AQP9: variants seen among roughly 807,000 people sequenced by gnomAD.
AQP9 encodes the protein aquaporin 9.
In AQP9, 19 loss-of-function variants were observed where a neutral mutation model predicts 23.8. The observed-to-expected ratio is 0.80, with a 90% CI of 0.56 to 1.17. AQP9 has a LOEUF of 1.17. Ranked by LOEUF, AQP9 falls within the 50% of genes most tolerant of loss-of-function variation. The probability of loss-of-function intolerance (pLI) is 0.00; values close to 1 mark genes in which losing one functional copy is unlikely to be tolerated. For missense variants in AQP9, 413 were observed against 362.0 expected, an observed-to-expected ratio of 1.14 and a Z score of -1.14; for synonymous variants, 153 against 131.5, an observed-to-expected ratio of 1.16 and a Z score of -1.12.
intron 4 of AQP9, among the ~76,000 whole-genome samples, chr15:58,178,317 A>G (rs1451667789): frequency 6.6e-6 from 1 of 152,156 alleles, no homozygotes; most frequent in Non-Finnish European, 1.5e-5. Flanking sequence ...CATAGCTTTT[A>G]TGTTTATAGT....
At chr15:58,182,549 C>G (rs140581206) in intron 5 of AQP9, among the ~76,000 whole-genome samples, 1 of 152,302 alleles carries the variant, frequency 6.6e-6, no homozygotes, top group African/African-American at 2.4e-5. Context: ...ATGGACCCAA[C>G]AGGTAGCTTA....
At chr15:58,159,551 T>C (rs925458230) in intron 1 of AQP9, among the ~76,000 whole-genome samples, 1 of 152,198 alleles carries the variant, frequency 6.6e-6, no homozygotes, top group Non-Finnish European at 1.5e-5. Context: ...CTTTGAAATA[T>C]ACAATACATT....
chr15:58,183,981 G>A lies in AQP9; in HGVS notation c.734G>A (p.Trp245Ter). The A allele has an allele frequency of 6.2e-7, 1 of 1,613,970 alleles. No homozygotes were observed. The highest frequency in any genetic ancestry group is 8.5e-7 in the Non-Finnish European group (1 of 1,179,952). The change falls in exon 6 of 6, where the codon TGG becomes TAG. Residue 245 changes from tryptophan to a stop codon, truncating the protein, a stop_gained. Coordinates refer to ENST00000219919, the MANE Select transcript of AQP9 (RefSeq NM_020980.5). LOFTEE classifies it low-confidence loss of function (END_TRUNC). ...TTCAGAGCTGGAAACAACTTCTGGTGGATTCCTGTAGTGGGCCCTTTGGTT... is the reference window on the plus strand; with the variant it reads ...TTCAGAGCTGGAAACAACTTCTGGTAGATTCCTGTAGTGGGCCCTTTGGTT... Reference protein sequence around the residue: ...EVFRAGNNFWWIPVVGPLVGA... With the variant: ...EVFRAGNNFW
chr15:58,157,738 G>T (rs993111914), intron 1 of AQP9, among the ~76,000 whole-genome samples: 2 of 152,196 alleles, frequency 1.3e-5, no homozygotes, highest in Non-Finnish European at 2.9e-5. Context: ...GTTTTCTACC[G>T]GTGGGTGCTT....
rs749429402 is a variant in AQP9, at chr15:58,184,058, C to G, written c.811C>G (p.Pro271Ala). ...TGTTCTTGTCATTGAAATCCACCATCCAGAGCCTGACTCAGTCTTTAAGAC... is the reference window on the plus strand; with the variant it reads ...TGTTCTTGTCATTGAAATCCACCATGCAGAGCCTGACTCAGTCTTTAAGAC... ...IYVLVIEIHH[P>A]EPDSVFKTEQ... The change falls in exon 6 of 6, where the codon CCA (proline) becomes GCA (alanine). Residue 271 changes from proline to alanine, a missense_variant. Pro to Ala is a conservative substitution (Grantham distance 27). Coordinates refer to ENST00000219919, the MANE Select transcript of AQP9 (RefSeq NM_020980.5). 1.9e-6 allele frequency: 3 copies of G among 1,614,118 alleles called. No homozygotes were observed. In the Admixed American group the frequency reaches 5.0e-5, roughly 27 times the overall value.
chr15:58,177,153 T>G (rs1035162253), intron 4 of AQP9, among the ~76,000 whole-genome samples: 1 of 152,176 alleles, frequency 6.6e-6, no homozygotes. Context: ...CATGACCATA[T>G]TTTGGGGTCA....
chr15:58,147,789 TAGA>T (rs1319410765), intron 1 of AQP9, among the ~76,000 whole-genome samples: 2 of 152,108 alleles, frequency 1.3e-5, no homozygotes, highest in Non-Finnish European at 2.9e-5. Context: ...ACCCATTAAA[TAGA>T]AGGTTTACAT....
At position 58,152,015 on chromosome 15, in the gene AQP9, T is replaced by C. The variant is rs547606053; in HGVS notation, c.111+13339T>C. 5.3e-5 allele frequency: 8 copies of C among 152,320 alleles called. No homozygotes were observed. The East Asian group carries it at 9.6e-4, about 18-fold the overall frequency. 9.4% of individuals were successfully genotyped at this position (152,320 alleles called of 1,614,324 possible). A position where few individuals can be genotyped will look rare whatever the true frequency, so the allele number is the denominator to read the frequency against. ...ATTGCATATTCCTCCATAAGCCATA[T>C]AGCACTTGTTATTATGGCTATTCTC... On this transcript the variant is annotated intron_variant, in intron 1 of 5. Coordinates refer to ENST00000219919, the MANE Select transcript of AQP9 (RefSeq NM_020980.5).
chr15:58,168,897 A>G (rs1400668069), intron 2 of AQP9, among the ~76,000 whole-genome samples: 5 of 152,126 alleles, frequency 3.3e-5, no homozygotes, highest in Non-Finnish European at 5.9e-5. Context: ...AGGTAGAGAC[A>G]TGGTTTTGGA....
intron 1 of AQP9, among the ~76,000 whole-genome samples, chr15:58,149,331 C>T (rs1356014454): frequency 1.3e-5 from 2 of 152,190 alleles, no homozygotes; most frequent in African/African-American, 2.4e-5. Context: ...AAGTAAAGTG[C>T]GTGAGAGTGC....
chr15:58,183,385 G>T (rs1199992201), intron 5 of AQP9, among the ~76,000 whole-genome samples: 1 of 152,212 alleles, frequency 6.6e-6, no homozygotes, highest in Admixed American at 6.5e-5. Context: ...GGAAGAGAGA[G>T]AGCCATGGCA....
At chr15:58,143,384 C>A (rs1368688896) in intron 1 of AQP9, among the ~76,000 whole-genome samples, 3 of 152,164 alleles carry the variant, frequency 2.0e-5, no homozygotes, top group Non-Finnish European at 4.4e-5. Context: ...ATACCCCAGA[C>A]ACTTTGATCC....
chr15:58,150,811 G>C (rs1489803978), intron 1 of AQP9: 1 of 152,088 alleles, frequency 6.6e-6, no homozygotes, highest in Non-Finnish European at 1.5e-5. Context: ...CATTTCTCCT[G>C]TTCAACTTAG....
chr15:58,167,870 A>T (rs1326943733), intron 2 of AQP9, among the ~76,000 whole-genome samples: 1 of 151,908 alleles, frequency 6.6e-6, no homozygotes, highest in Non-Finnish European at 1.5e-5. Context: ...TTACAGGCAC[A>T]CACTGCCACA....
chr15:58,180,308 G>C (rs1173725019), intron 5 of AQP9, among the ~76,000 whole-genome samples: 1 of 152,192 alleles, frequency 6.6e-6, no homozygotes, highest in Non-Finnish European at 1.5e-5. Flanking sequence ...AAGGACGTGA[G>C]TGTTCCCAAA....
chr15:58,163,475 G>A (rs1380603134), intron 1 of AQP9, among the ~76,000 whole-genome samples: 1 of 152,144 alleles, frequency 6.6e-6, no homozygotes, highest in African/African-American at 2.4e-5. Context: ...GAACCCAAGA[G>A]ATTGTTTTCT....
In AQP9 at chr15:58,184,055, C is replaced by A; in HGVS notation, c.808C>A (p.His270Asn). ...CTATGTTCTTGTCATTGAAATCCACCATCCAGAGCCTGACTCAGTCTTTAA... is the reference window on the plus strand; with the variant it reads ...CTATGTTCTTGTCATTGAAATCCACAATCCAGAGCCTGACTCAGTCTTTAA... ...LIYVLVIEIH[H>N]PEPDSVFKTE... The change falls in exon 6 of 6, where the codon CAT becomes AAT. Residue 270 changes from histidine to asparagine, a missense_variant. Physicochemically the swap from His to Asn is moderately conservative, Grantham distance 68 (BLOSUM62 1). Transcript: ENST00000219919. 2 of 1,614,088 alleles carry A rather than the reference C, an allele frequency of 1.2e-6. No individual in the cohort carries two copies. Among genetic ancestry groups the A allele is most frequent in the African/African-American group, 2.7e-5 (2 of 75,024 alleles).
rs542829624 is a variant in AQP9 at position 58,166,957 on chromosome 15, A to G, written c.238+158A>G. On this transcript the variant is annotated intron_variant, in intron 2 of 5. Transcript: ENST00000219919. ...TTTATAGATAAAATTAAAATCACCA[A>G]CCAATGGTAAGTAACTTATTATGCA... Among the ~76,000 whole-genome samples, 9 of 152,356 alleles carry G rather than the reference A, an allele frequency of 5.9e-5. 1 individual carries two copies. In the South Asian group the frequency reaches 6.2e-4, roughly 11 times the overall value.
intron 2 of AQP9, among the ~76,000 whole-genome samples, chr15:58,171,209 T>A (rs959271678): frequency 2.0e-5 from 3 of 151,846 alleles, no homozygotes; most frequent in African/African-American, 7.3e-5. Context: ...TGCCTCAGCC[T>A]CCCGAGTAGC....
Sources: allele counts gnomAD v4.1 joint callset (sites outside exome capture counted in the v4.1 genomes callset), GRCh38; gene constraint gnomAD v4.1.1; transcripts MANE v1.5; gene names NCBI Gene and HGNC (gene_info 2026-07-23, HGNC 2026-07-21).